TMEM230: variants seen among roughly 807,000 people sequenced by gnomAD.
The protein encoded by TMEM230 is UPF0414 transmembrane protein C20orf30.
A neutral mutation model predicts 15.8 loss-of-function variants in TMEM230; 10 were observed. That is an observed-to-expected ratio of 0.63 (90% confidence interval 0.39 to 1.07). The LOEUF (loss-of-function observed/expected upper bound fraction) is 1.07, where lower values mean the gene tolerates loss of function less well. TMEM230 is among the 50% of genes least tolerant of loss of function. The pLI is 0.01. For synonymous variants in TMEM230, 67 were observed against 76.9 expected (o/e 0.87, Z 0.68); for missense variants, 165 against 193.3 (o/e 0.85, Z 0.87).
At chr20:5,060,936 G>C in the TMEM230 span, 3 of 152,044 alleles carry the variant, frequency 2.0e-5, no homozygotes, top group Non-Finnish European at 4.4e-5. Context: ...ATTAGTTTAT[G>C]TTCTCACTAG....
intron 3 of TMEM230, among the ~76,000 whole-genome samples, chr20:5,106,895 C>G (rs889934417): frequency 6.6e-6 from 1 of 151,698 alleles, no homozygotes; most frequent in South Asian, 2.1e-4. Context: ...TCTGTAGAGA[C>G]GAGGTCTCAC....
intron 3 of TMEM230, among the ~76,000 whole-genome samples, chr20:5,091,812 T>G (rs144949577): frequency 1.3e-5 from 2 of 152,190 alleles, no homozygotes; most frequent in African/African-American, 4.8e-5. Flanking sequence ...TGACTTGATA[T>G]GCAAAGTTAA....
At chr20:5,106,909 G>A (rs2090116945) in intron 3 of TMEM230, among the ~76,000 whole-genome samples, 1 of 151,634 alleles carries the variant, frequency 6.6e-6, no homozygotes, top group Admixed American at 6.6e-5. Context: ...GTCTCACTAT[G>A]TTGCCCAGGG....
the TMEM230 span, among the ~76,000 whole-genome samples, chr20:5,060,110 C>T: frequency 6.6e-6 from 1 of 152,160 alleles, no homozygotes; most frequent in African/African-American, 2.4e-5. Context: ...TGACTTCTTG[C>T]TATATTGTTC....
chr20:5,096,115 C>A (rs972349376), downstream of TMEM230, among the ~76,000 whole-genome samples: 1 of 152,186 alleles, frequency 6.6e-6, no homozygotes, highest in Non-Finnish European at 1.5e-5. Context: ...TCAACCCTCG[C>A]TCCTGCCGCT....
chr20:5,099,732 A>G (rs1052477387), downstream of TMEM230: 1 of 430,444 alleles, frequency 2.3e-6, no homozygotes, highest in African/African-American at 2.9e-5. Flanking sequence ...GCCCAAGTCC[A>G]TAACCTCAGA....
At chr20:5,088,202 T>G (rs1178192023) in intron 3 of TMEM230, among the ~76,000 whole-genome samples, 1 of 147,488 alleles carries the variant, frequency 6.8e-6, no homozygotes, top group East Asian at 2.1e-4. Flanking sequence ...CCAGCTACTC[T>G]GGAGGCTGAC....
In TMEM230 at chr20:5,076,946, G is replaced by C. The variant is rs977760683; in HGVS notation, c.223-7597C>G. On this transcript the variant is annotated intron_variant, in intron 3 of 3. Coordinates refer to the TMEM230 transcript ENST00000612323. ...ACCCACCTTGGCCTCTCAAAGTGCT[G>C]GGATTACAGGTGTGAGCCACCATGC... Among the ~76,000 whole-genome samples the C allele has an allele frequency of 3.3e-5, 5 of 151,404 alleles. No individual in the cohort carries two copies. In the East Asian group the frequency reaches 9.9e-4, roughly 30 times the overall value.
At chr20:5,096,829 T>G (rs376644777), downstream of TMEM230, among the ~76,000 whole-genome samples, 1 of 152,214 alleles carries the variant, frequency 6.6e-6, no homozygotes, top group Non-Finnish European at 1.5e-5. Context: ...TTCCAGCTCT[T>G]CATTTGATAA....
At chr20:5,092,881 C>T (rs1037858629) in intron 3 of TMEM230, among the ~76,000 whole-genome samples, 10 of 152,144 alleles carry the variant, frequency 6.6e-5, no homozygotes, top group African/African-American at 2.4e-4. Flanking sequence ...TTGGAATTTA[C>T]CTTGCATGAC....
At chr20:5,091,203 T>C (rs1037833784) in intron 3 of TMEM230, among the ~76,000 whole-genome samples, 2 of 152,086 alleles carry the variant, frequency 1.3e-5, no homozygotes, top group African/African-American at 4.8e-5. Flanking sequence ...TTGTTGTTGT[T>C]ATTTTGTTAC....
At chr20:5,082,090 T>C (rs1293375023) in intron 3 of TMEM230, among the ~76,000 whole-genome samples, 1 of 151,800 alleles carries the variant, frequency 6.6e-6, no homozygotes, top group Non-Finnish European at 1.5e-5. Flanking sequence ...TTTCGCCATG[T>C]TGGCCAGGCT....
chr20:5,108,931 G>A (rs954686677), intron 3 of TMEM230, among the ~76,000 whole-genome samples: 2 of 152,044 alleles, frequency 1.3e-5, no homozygotes, highest in African/African-American at 4.8e-5. Flanking sequence ...CCCTTAAAAG[G>A]TGAACGGGCT....
chr20:5,069,243 C>T (rs1297391018), exon 4 of TMEM230: 23 of 1,535,928 alleles, frequency 1.5e-5, no homozygotes, highest in Non-Finnish European at 1.8e-5. Flanking sequence ...TGAGCTGAGT[C>T]CTCCTTCGGG....
intron 3 of TMEM230, among the ~76,000 whole-genome samples, chr20:5,074,377 T>C (rs964038491): frequency 6.6e-6 from 1 of 152,024 alleles, no homozygotes; most frequent in Non-Finnish European, 1.5e-5. Flanking sequence ...CCTTACTAGA[T>C]ACCCCTTATC....
intron 3 of TMEM230, among the ~76,000 whole-genome samples, chr20:5,090,296 A>C (rs947715832): frequency 1.3e-5 from 2 of 152,228 alleles, no homozygotes; most frequent in Non-Finnish European, 2.9e-5. Context: ...ATGGGTGCTG[A>C]ATAGAAATAG....
chr20:5,063,790 A>G (rs1292121476), downstream of TMEM230, among the ~76,000 whole-genome samples: 3 of 137,810 alleles, frequency 2.2e-5, no homozygotes, highest in Non-Finnish European at 4.6e-5. Flanking sequence ...AATCCAAAAA[A>G]TTATCCCAAA....
Position 5,111,565 on chromosome 20 carries a change from CA to C in TMEM230, c.108del (p.Val37Ter), listed in dbSNP as rs923130586. The C allele has an allele frequency of 1.9e-4, 28 of 148,772 alleles. No individual in the cohort carries two copies. Among genetic ancestry groups the C allele is most frequent in the African/African-American group, 7.9e-4 (26 of 32,894 alleles). 9.2% of individuals were successfully genotyped at this position (148,772 alleles called of 1,614,324 possible). On this transcript the variant is annotated frameshift_variant, in exon 2 of 5. Coordinates refer to ENST00000342308, the MANE Select transcript of TMEM230 (RefSeq NM_001009923.2). LOFTEE classifies it high-confidence loss of function. Reference sequence around the variant, plus strand: ...TGGAGATTGCAGTGAGCTGAGATCACACCACTGGGCTCCAGCCTGGGCGACA... The same window carrying C: ...TGGAGATTGCAGTGAGCTGAGATCACCCACTGGGCTCCAGCCTGGGCGACA...
intron 3 of TMEM230, among the ~76,000 whole-genome samples, chr20:5,091,488 G>T (rs2089505074): frequency 6.6e-6 from 1 of 152,120 alleles, no homozygotes; most frequent in African/African-American, 2.4e-5. Flanking sequence ...TGGGATTACA[G>T]GTGTGAGCCA....
Sources: allele counts gnomAD v4.1 joint callset (sites outside exome capture counted in the v4.1 genomes callset), GRCh38; gene constraint gnomAD v4.1.1; transcripts MANE v1.5; gene names NCBI Gene and HGNC (gene_info 2026-07-23, HGNC 2026-07-21).